The following CRHR1 variants were observed in gnomAD, a reference collection of about 807,000 sequenced individuals.
The protein encoded by CRHR1 is corticotropin-releasing hormone receptor 1.
CRHR1 carries 28 observed loss-of-function variants against 56.0 expected under a neutral mutation model. The ratio of observed to expected loss-of-function variants is 0.50; its 90% CI spans 0.37 to 0.69. The LOEUF (loss-of-function observed/expected upper bound fraction) is 0.69. Ranked by LOEUF, CRHR1 falls within the 30% of genes least tolerant of loss-of-function variation. The pLI, the probability that CRHR1 is intolerant of heterozygous loss-of-function variation, is 0.00. For missense variants in CRHR1, 376 were observed against 548.0 expected, an observed-to-expected ratio of 0.69 and a Z score of 3.13; for synonymous variants, 195 against 216.5, an observed-to-expected ratio of 0.90 and a Z score of 0.87.
chr17:45,803,775 T>TGTGTGTGTGC (rs71138510), intron 1 of CRHR1, among the ~76,000 whole-genome samples: 25,071 of 150,208 alleles, frequency 0.17, 2,674 homozygotes, highest in Non-Finnish European at 0.21. Context: ...TGTGTGTGTG[T>TGTGTGTGTGC]GCGTGCGCGT....
chr17:45,784,553 G>A lies in CRHR1; in HGVS notation c.9G>A (p.Gly3=). The A allele has an allele frequency of 6.4e-7, 1 of 1,554,572 alleles. No individual in the cohort carries two copies. The change falls in exon 1 of 13, where the codon GGG becomes GGA. Residue 3 remains glycine, a synonymous_variant. Coordinates refer to ENST00000314537, the MANE Select transcript of CRHR1 (RefSeq NM_004382.5). The surrounding 1 kb of genome is among the most constrained non-coding windows in gnomAD (Gnocchi z 4.2). The part of the protein sequence containing the change: MG[G]HPQLRLVKAL... ...GCCGAGCGAGCCCGAGGATGGGAGG[G>A]CACCCGCAGCTCCGTCTCGTCAAGG...
At chr17:45,832,180 C>T (rs1009470534) in intron 8 of CRHR1, among the ~76,000 whole-genome samples, 15 of 152,198 alleles carry the variant, frequency 9.9e-5, no homozygotes, top group African/African-American at 2.2e-4. Flanking sequence ...TGCAGTGAGC[C>T]AAGATCGTGC....
At chr17:45,822,799 C>T (rs887538663) in intron 4 of CRHR1, among the ~76,000 whole-genome samples, 1 of 151,184 alleles carries the variant, frequency 6.6e-6, no homozygotes, top group Non-Finnish European at 1.5e-5. Context: ...TGCAGTGAGC[C>T]GAGATTGTGC....
chr17:45,785,460 C>G (rs911443884), intron 1 of CRHR1, among the ~76,000 whole-genome samples: 8 of 152,240 alleles, frequency 5.3e-5, no homozygotes, highest in African/African-American at 1.9e-4. Flanking sequence ...CCCGCTGCAG[C>G]CGGCCGGAGA....
intron 4 of CRHR1, among the ~76,000 whole-genome samples, chr17:45,824,370 C>T (rs2062112062): frequency 6.6e-6 from 1 of 152,242 alleles, no homozygotes; most frequent in African/African-American, 2.4e-5. Context: ...CTGTCTGTCC[C>T]AGCTTCACGC....
chr17:45,790,737 A>G (rs974044333), intron 1 of CRHR1, among the ~76,000 whole-genome samples: 1 of 152,012 alleles, frequency 6.6e-6, no homozygotes, highest in Non-Finnish European at 1.5e-5. Flanking sequence ...GCCCAGAAAA[A>G]CTGGCTAGAC....
At chr17:45,833,693 T>TGGGGCCCC in intron 10 of CRHR1, 21 bp from the exon 11 acceptor site, 10 of 1,571,566 alleles carry the variant, frequency 6.4e-6, no homozygotes, top group Middle Eastern at 2.0e-4. Flanking sequence ...ACTCCGAGCC[T>TGGGGCCCC]CCCCACCCGC....
chr17:45,834,544 C>A, intron 12 of CRHR1, 80 bp from the exon 13 acceptor site: 1 of 1,512,744 alleles, frequency 6.6e-7, no homozygotes, highest in Non-Finnish European at 8.9e-7. Flanking sequence ...CTTACCTGCA[C>A]AGCTGCTCGT....
intron 3 of CRHR1, 53 bp downstream of exon 3, chr17:45,816,635 G>A: frequency 6.2e-7 from 1 of 1,610,262 alleles, no homozygotes; most frequent in Non-Finnish European, 8.5e-7. Flanking sequence ...ACAGGATGGG[G>A]AGAGCTTGGA....
intron 4 of CRHR1, among the ~76,000 whole-genome samples, chr17:45,821,713 A>G (rs944137949): frequency 1.3e-5 from 2 of 152,322 alleles, no homozygotes; most frequent in East Asian, 3.9e-4. Context: ...CTCATCGGGC[A>G]GCCGCTTGCA....
intron 5 of CRHR1, 166 bp downstream of exon 5, chr17:45,829,487 C>G: frequency 7.0e-7 from 1 of 1,421,978 alleles, no homozygotes; most frequent in Non-Finnish European, 9.6e-7. Flanking sequence ...CTGGCAGAGC[C>G]GCTCTGCCCT....
intron 2 of CRHR1, among the ~76,000 whole-genome samples, chr17:45,810,907 C>T (rs982715525): frequency 1.3e-5 from 2 of 152,264 alleles, no homozygotes; most frequent in East Asian, 1.9e-4. Context: ...CCATTCATCC[C>T]ACAGCACATT....
rs146880047 is a variant in CRHR1 at position 45,808,185 on chromosome 17, T to C, written c.121+1088T>C. 2.6e-3 allele frequency among the ~76,000 whole-genome samples: 401 copies of C among 152,290 alleles called. 3 individuals carry two copies. Among genetic ancestry groups the C allele is most frequent in the African/African-American group, 9.3e-3 (385 of 41,552 alleles). ...TCTGGGCATCGAATCCACAAATGCA[T>C]GTGCGATGAGGCAGAGTGGAAGACG... On this transcript the variant is annotated intron_variant, in intron 2 of 12. Transcript: ENST00000314537.
At chr17:45,828,337 G>A (rs900063694) in intron 4 of CRHR1, among the ~76,000 whole-genome samples, 2 of 152,212 alleles carry the variant, frequency 1.3e-5, no homozygotes, top group African/African-American at 2.4e-5. Flanking sequence ...GACCTCCAGC[G>A]CGTCAGCATA....
chr17:45,831,435 G>A (rs184576666), intron 8 of CRHR1, among the ~76,000 whole-genome samples: 37 of 152,348 alleles, frequency 2.4e-4, no homozygotes, highest in African/African-American at 8.9e-4. Flanking sequence ...AGTGGACCTA[G>A]ATGATCTCAG....
rs536071199 is a variant in CRHR1 at position 45,833,073 on chromosome 17, C to A, written c.771-65C>A. 293 of 1,410,312 alleles carry A rather than the reference C, an allele frequency of 2.1e-4. 2 individuals are homozygous for A. The South Asian group carries it at 3.2e-3, about 15-fold the overall frequency. The allele number at this position is 1,410,312 out of a possible 1,614,324, so 87.4% of individuals were successfully genotyped here. A position where few individuals can be genotyped will look rare whatever the true frequency, so the allele number is the denominator to read the frequency against. On this transcript the variant is annotated intron_variant, in intron 8 of 12. Transcript: ENST00000314537. ...CAGTCCTGTCCTGGCCAAGCACTGT[C>A]CCTCCCCATGCCATCGAGGTGGACG...
intron 1 of CRHR1, among the ~76,000 whole-genome samples, chr17:45,796,531 G>A (rs1162989333): frequency 6.6e-6 from 1 of 152,194 alleles, no homozygotes; most frequent in Non-Finnish European, 1.5e-5. Flanking sequence ...AGGCAGGGCA[G>A]GCAGGGAAAC....
At position 45,816,504 on chromosome 17, in the gene CRHR1, T is replaced by C; in HGVS notation, c.163T>C (p.Trp55Arg). ...ATCCGTGGACCTCATTGGCACCTGC[T>C]GGCCCCGCAGCCCTGCGGGGCAGCT... is the stretch of plus-strand genomic sequence containing the variant. The part of the protein sequence containing the change: ...NASVDLIGTC[W>R]PRSPAGQLVV... The change falls in exon 3 of 13, where the codon TGG becomes CGG. Residue 55 changes from tryptophan to arginine, a missense_variant. Physicochemically the swap from Trp to Arg is moderately radical, Grantham distance 101. Coordinates refer to ENST00000314537, the MANE Select transcript of CRHR1 (RefSeq NM_004382.5). The C allele has an allele frequency of 1.9e-6, 3 of 1,614,122 alleles. No homozygotes were observed. Among genetic ancestry groups the C allele is most frequent in the Non-Finnish European group, 2.5e-6 (3 of 1,180,018 alleles).
Position 45,803,397 on chromosome 17 carries a change from T to C in CRHR1, c.34-3613T>C, listed in dbSNP as rs188801323. Reference sequence around the variant, plus strand: ...CTTTTTTATTTATTTTATTTATTTATTTATTTTGAGATGGAATCTTGCTCT... The same window carrying C: ...CTTTTTTATTTATTTTATTTATTTACTTATTTTGAGATGGAATCTTGCTCT... On this transcript the variant is annotated intron_variant, in intron 1 of 12. Coordinates refer to ENST00000314537, the MANE Select transcript of CRHR1 (RefSeq NM_004382.5). 6.4e-4 allele frequency among the ~76,000 whole-genome samples: 98 copies of C among 152,260 alleles called. 1 individual carries two copies. Among genetic ancestry groups the C allele is most frequent in the Non-Finnish European group, 1.3e-3 (91 of 68,028 alleles).
Sources: gnomAD v4.1 joint callset for allele counts (sites outside exome capture counted in the v4.1 genomes callset) on GRCh38, gnomAD v4.1.1 for gene constraint, Gnocchi (gnomAD v3.1) non-coding constraint, MANE v1.5 for transcripts, NCBI Gene and HGNC (gene_info 2026-07-23, HGNC 2026-07-21) for gene names.